The following RALGAPA1 variants were observed in gnomAD, a reference collection of about 807,000 sequenced individuals.
RALGAPA1 encodes the protein ral GTPase-activating protein subunit alpha-1.
A neutral mutation model predicts 269.6 loss-of-function variants in RALGAPA1; 52 were observed. That is an observed-to-expected ratio of 0.19 (90% CI 0.15 to 0.24). The LOEUF (loss-of-function observed/expected upper bound fraction) is 0.24. RALGAPA1 is among the 10% of genes least tolerant of loss of function. The pLI is 1.00. For synonymous variants in RALGAPA1, 817 were observed against 1,008.3 expected (o/e 0.81, Z 3.60); for missense variants, 1,917 against 3,013.9 (o/e 0.64, Z 8.52).
intron 41 of RALGAPA1, among the ~76,000 whole-genome samples, chr14:35,548,215 T>C (rs1175504771): frequency 6.6e-6 from 1 of 152,096 alleles, no homozygotes; most frequent in Non-Finnish European, 1.5e-5. Context: ...AGTACTACTT[T>C]TTCATGCTGA....
chr14:35,793,477 A>G (rs1267978298), intron 1 of RALGAPA1, among the ~76,000 whole-genome samples: 1 of 151,590 alleles, frequency 6.6e-6, no homozygotes, highest in Admixed American at 6.6e-5. Context: ...CAGCTGATCC[A>G]CCCACCTCGG....
rs766869495 is a variant in RALGAPA1 at position 35,655,783 on chromosome 14, A to C, written c.5496+24T>G. ...TATGCATTCTCTCCTATCTTAATAT[A>C]TTTCACTAAACAGTTTTCTTTACCT... On this transcript the variant is annotated intron_variant, in intron 29 of 41. Coordinates refer to ENST00000680220, the MANE Select transcript of RALGAPA1 (RefSeq NM_001346249.2). The C allele has an allele frequency of 6.8e-6, 11 of 1,606,660 alleles. No individual in the cohort carries two copies. The East Asian group carries it at 2.2e-4, about 33-fold the overall frequency.
In RALGAPA1 at chr14:35,627,325, A is replaced by G; in HGVS notation, c.6622T>C (p.Ser2208Pro). 6.2e-7 allele frequency: 1 copy of G among 1,609,336 alleles called. No individual in the cohort carries two copies. Among genetic ancestry groups the G allele is most frequent in the Admixed American group, 1.7e-5 (1 of 58,648 alleles). ...GGTTGTGGAGCAGGAATATTAAGTG[A>G]GATTCCAGTTCTCTGTAAGCATTCA... ...SPECLQRTGI[S>P]LNIPAPQPVC... The change falls in exon 34 of 42, where the codon TCA becomes CCA. Residue 2208 changes from serine to proline, a missense_variant. Around this residue, in one of 11 missense-constraint regions of RALGAPA1, gnomAD observed 132 missense variants for 271.2 expected, o/e 0.49. Coordinates refer to ENST00000680220, the MANE Select transcript of RALGAPA1 (RefSeq NM_001346249.2).
At chr14:35,764,571 G>T (rs935683282) in intron 4 of RALGAPA1, among the ~76,000 whole-genome samples, 11 of 151,924 alleles carry the variant, frequency 7.2e-5, no homozygotes, top group Middle Eastern at 3.4e-3. Flanking sequence ...TTTGAGACAG[G>T]TTCTCACTCT....
At chr14:35,714,533 C>T (rs1271924077) in intron 16 of RALGAPA1, among the ~76,000 whole-genome samples, 1 of 152,186 alleles carries the variant, frequency 6.6e-6, no homozygotes, top group Non-Finnish European at 1.5e-5. Context: ...CAGCTCTCTA[C>T]CTCACCCTGA....
intron 36 of RALGAPA1, among the ~76,000 whole-genome samples, chr14:35,596,511 T>C (rs1008072698): frequency 6.6e-6 from 1 of 152,026 alleles, no homozygotes; most frequent in Admixed American, 6.6e-5. Context: ...TTTATATATA[T>C]GCTTTGCAAT....
chr14:35,720,943 T>C (rs1259928833), intron 16 of RALGAPA1, among the ~76,000 whole-genome samples: 6 of 152,234 alleles, frequency 3.9e-5, no homozygotes, highest in Non-Finnish European at 1.5e-5. Flanking sequence ...AAACGTTTGG[T>C]AGACTGTCCA....
chr14:35,603,881 T>C (rs2059430194), intron 36 of RALGAPA1, among the ~76,000 whole-genome samples: 1 of 152,130 alleles, frequency 6.6e-6, no homozygotes, highest in African/African-American at 2.4e-5. Flanking sequence ...ATAGGCTGGC[T>C]AATGAATACG....
intron 33 of RALGAPA1, among the ~76,000 whole-genome samples, chr14:35,631,868 A>C (rs2061378128): frequency 1.3e-5 from 2 of 152,156 alleles, no homozygotes. Context: ...TTTCAAACCT[A>C]CTTATAAATA....
chr14:35,762,689 G>A, intron 5 of RALGAPA1, 21 bp downstream of exon 5: 4 of 1,430,792 alleles, frequency 2.8e-6, no homozygotes, highest in Non-Finnish European at 3.0e-6. Context: ...TTAAAGTCAT[G>A]GAAAGTAAAC....
chr14:35,712,312 GGTAA>G (rs1353322692), intron 16 of RALGAPA1, among the ~76,000 whole-genome samples: 1 of 150,678 alleles, frequency 6.6e-6, no homozygotes, highest in Non-Finnish European at 1.5e-5. Context: ...CAGTGTTGGT[GGTAA>G]GTAAATATTT....
intron 27 of RALGAPA1, among the ~76,000 whole-genome samples, chr14:35,661,430 T>A (rs1338232594): frequency 1.3e-5 from 2 of 152,166 alleles, no homozygotes; most frequent in South Asian, 2.1e-4. Context: ...AGTGGATGTA[T>A]GTTTAGCAAA....
chr14:35,542,273 T>C, intron 41 of RALGAPA1: 1 of 295,378 alleles, frequency 3.4e-6, no homozygotes, highest in Non-Finnish European at 6.5e-6. Context: ...CACATTTCAA[T>C]TGTTCAACAG....
chr14:35,742,463 G>A lies in RALGAPA1; in HGVS notation c.1354C>T (p.Pro452Ser). The stretch of plus-strand genomic sequence containing the variant: ...GAAGAAGTGATCACAATTTCTTCAG[G>A]CTCTTGCATGAACAAAGGTTTTTCC... Reference protein sequence around the residue: ...QEEKPLFMQEPEEIVITSSDL... With the variant: ...QEEKPLFMQESEEIVITSSDL... Residue 452 changes from proline to serine, a missense_variant, in exon 11 of 42, where the codon CCT (proline) becomes TCT (serine). This residue lies in a region of RALGAPA1 where 462 missense variants were observed against 725.6 expected (regional missense o/e 0.64). Transcript: ENST00000680220. The A allele has an allele frequency of 6.2e-7, 1 of 1,600,514 alleles. No homozygotes were observed. The highest frequency in any genetic ancestry group is 1.1e-5 in the South Asian group (1 of 90,744).
In RALGAPA1 at chr14:35,761,024, TAGAC is replaced by T. The variant is rs1206897812; in HGVS notation, c.370-22_370-19del. ...CGCCTAATCTAAAATAAAATGAAAA[TAGAC>T]AGTATTTTTATTTATAATGGAAATA... On this transcript the variant is annotated intron_variant, in intron 5 of 41. Transcript: ENST00000680220. 14 of 1,540,644 alleles carry T rather than the reference TAGAC, an allele frequency of 9.1e-6. No homozygotes were observed. Among genetic ancestry groups the T allele is most frequent in the South Asian group, 2.5e-5 (2 of 81,138 alleles).
At chr14:35,586,357 A>G (rs536100701) in intron 37 of RALGAPA1, among the ~76,000 whole-genome samples, 5 of 152,270 alleles carry the variant, frequency 3.3e-5, no homozygotes, top group South Asian at 2.1e-4. Flanking sequence ...GGGCTGAGAC[A>G]ATGGGGTTTT....
chr14:35,571,275 G>T (rs1312073595), intron 38 of RALGAPA1, among the ~76,000 whole-genome samples: 1 of 152,150 alleles, frequency 6.6e-6, no homozygotes, highest in Non-Finnish European at 1.5e-5. Context: ...TTTGAATAAG[G>T]TTGGCATAAA....
In RALGAPA1 at chr14:35,627,139, A is replaced by G. The variant is rs1349722320; in HGVS notation, c.6808T>C (p.Tyr2270His). ...IPQKPQSAFY[Y>H]CRLLLSILGM... ...AATATACTAAGAAGCAATCTGCAATAATAAAATGCTGACTGAGGTTTTTGA... is the reference window on the plus strand; with the variant it reads ...AATATACTAAGAAGCAATCTGCAATGATAAAATGCTGACTGAGGTTTTTGA... Residue 2270 changes from tyrosine (Y) to histidine (H), a missense_variant, in exon 34 of 42, where the codon TAT becomes CAT. Physicochemically the swap from Tyr to His is moderately conservative, Grantham distance 83. Around this residue, in one of 11 missense-constraint regions of RALGAPA1, gnomAD observed 132 missense variants for 271.2 expected, o/e 0.49. Coordinates refer to ENST00000680220, the MANE Select transcript of RALGAPA1 (RefSeq NM_001346249.2). 1 of 1,570,742 alleles carries G rather than the reference A, an allele frequency of 6.4e-7. No individual in the cohort carries two copies. The highest frequency in any genetic ancestry group is 2.2e-5 in the East Asian group (1 of 44,594).
At chr14:35,582,810 A>C (rs2058040886) in intron 37 of RALGAPA1, among the ~76,000 whole-genome samples, 1 of 152,224 alleles carries the variant, frequency 6.6e-6, no homozygotes, top group African/African-American at 2.4e-5. Flanking sequence ...ACCAAAGCCT[A>C]ATCTACCTGG....
Sources: gnomAD v4.1 joint callset for allele counts (sites outside exome capture counted in the v4.1 genomes callset) on GRCh38, gnomAD v4.1.1 for gene constraint, gnomAD v4.1.1 regional missense constraint, MANE v1.5 for transcripts, NCBI Gene and HGNC (gene_info 2026-07-23, HGNC 2026-07-21) for gene names.